ELF2: variants seen among roughly 807,000 people sequenced by gnomAD.
ELF2 encodes the protein ETS-related transcription factor Elf-2.
ELF2 carries 11 observed loss-of-function variants against 54.8 expected under a neutral mutation model. The ratio of observed to expected loss-of-function variants is 0.20; its 90% confidence interval spans 0.13 to 0.33. The LOEUF is 0.33. ELF2 is among the 10% of genes least tolerant of loss of function. The pLI, the probability that ELF2 is intolerant of heterozygous loss-of-function variation, is 1.00. For missense variants in ELF2, 513 were observed against 703.0 expected (o/e 0.73, Z 3.06); for synonymous variants, 203 against 245.1 (o/e 0.83, Z 1.61).
At chr4:139,110,034 A>G (rs555503659) in intron 4 of ELF2, among the ~76,000 whole-genome samples, 1 of 152,354 alleles carries the variant, frequency 6.6e-6, no homozygotes, top group African/African-American at 2.4e-5. Context: ...AATATTGTAT[A>G]TTAGAAATCG....
At chr4:139,158,620 GATGGAAAC>G (rs1157536957) in intron 1 of ELF2, among the ~76,000 whole-genome samples, 1 of 152,098 alleles carries the variant, frequency 6.6e-6, no homozygotes, top group Non-Finnish European at 1.5e-5. Flanking sequence ...AATGATTGGT[GATGGAAAC>G]ATTTATTGTA....
intron 7 of ELF2, among the ~76,000 whole-genome samples, chr4:139,063,487 CACT>C (rs1560753841): frequency 6.6e-6 from 1 of 152,096 alleles, no homozygotes; most frequent in Non-Finnish European, 1.5e-5. Flanking sequence ...CTCTGGATCA[CACT>C]ACTAGTAAAA....
At chr4:139,152,630 C>CT (rs1740119446) in intron 1 of ELF2, among the ~76,000 whole-genome samples, 1 of 152,110 alleles carries the variant, frequency 6.6e-6, no homozygotes, top group African/African-American at 2.4e-5. Context: ...CAGGCAGAGC[C>CT]TTGTAATTTA....
chr4:139,072,229 A>G, intron 5 of ELF2, 190 bp from the exon 6 acceptor site: 1 of 550,966 alleles, frequency 1.8e-6, no homozygotes, highest in Non-Finnish European at 3.0e-6. Flanking sequence ...AAATGCATGG[A>G]AAATCAACTT....
Position 139,161,652 on chromosome 4 carries a change from T to TAAAAA in ELF2, c.-252+15310_-252+15314dup, listed in dbSNP as rs57452146. On this transcript the variant is annotated intron_variant, in intron 1 of 9. Coordinates refer to ENST00000686138, the MANE Select transcript of ELF2 (RefSeq NM_001331036.3). ...CACAAATAGTCTACGTAAAACTGTT[T>TAAAAA]AAAAAAAAAAAAAAAAAAAAAAAAA... Among the ~76,000 whole-genome samples, 57 of 70,026 alleles carry TAAAAA rather than the reference T, an allele frequency of 8.1e-4. 2 individuals are homozygous for TAAAAA. In the East Asian group the frequency reaches 9.0e-3, roughly 11 times the overall value. 45.9% of individuals were successfully genotyped at this position (70,026 alleles called of 152,430 possible).
At position 139,168,477 on chromosome 4, in the gene ELF2, T is replaced by C. The variant is rs72933572; in HGVS notation, c.-252+8490A>G. Among the ~76,000 whole-genome samples the C allele has an allele frequency of 3.0e-3, 458 of 152,306 alleles. 3 individuals carry two copies. Among genetic ancestry groups the C allele is most frequent in the African/African-American group, 0.01 (434 of 41,570 alleles). ...CTAAACCCTGAGATGATAGCCTACATTTAAGGAACAGACAAAAACTGATCT... is the reference window on the plus strand; with the variant it reads ...CTAAACCCTGAGATGATAGCCTACACTTAAGGAACAGACAAAAACTGATCT... On this transcript the variant is annotated intron_variant, in intron 1 of 9. Transcript: ENST00000686138.
chr4:139,060,595 T>A lies in ELF2; in HGVS notation c.886A>T (p.Ile296Leu). 1 of 1,614,062 alleles carries A rather than the reference T, an allele frequency of 6.2e-7. No individual in the cohort carries two copies. Among genetic ancestry groups the A allele is most frequent in the Non-Finnish European group, 8.5e-7 (1 of 1,180,034 alleles). ...CTTTTGTCATCATCTATGACCACTA[T>A]GTTTTTCGGCATATCCTTGAACTGA... is the stretch of plus-strand genomic sequence containing the variant. ...VYQFKDMPKN[I>L]VVIDDDKSET... Residue 296 changes from isoleucine to leucine, a missense_variant, in exon 9 of 10, where the codon ATA becomes TTA. Physicochemically the swap from Ile to Leu is conservative, Grantham distance 5. Transcript: ENST00000686138.
intron 3 of ELF2, among the ~76,000 whole-genome samples, chr4:139,132,898 T>G (rs1258102129): frequency 6.8e-6 from 1 of 146,922 alleles, no homozygotes; most frequent in Non-Finnish European, 1.5e-5. Flanking sequence ...TTTTTTTTGG[T>G]GGGGGTGAGG....
intron 1 of ELF2, among the ~76,000 whole-genome samples, chr4:139,147,836 G>A (rs1739400040): frequency 6.8e-6 from 1 of 146,516 alleles, no homozygotes; most frequent in Admixed American, 6.8e-5. Flanking sequence ...GCCCAGGCTG[G>A]AGTGCAATGG....
chr4:139,156,158 C>T (rs1207513018), intron 1 of ELF2, among the ~76,000 whole-genome samples: 2 of 151,528 alleles, frequency 1.3e-5, no homozygotes, highest in Non-Finnish European at 2.9e-5. Flanking sequence ...TAATTTTATA[C>T]ATATATTCTT....
rs60267592 is a variant in ELF2, at chr4:139,090,913, GTTTGTTTTGT to G, written c.239-17356_239-17347del. ...TTAATGTTTTCCCTTATAGTATATGGTTTGTTTTGTTTTGTTTTGTTTTGTTTTGTTTTGT... is the reference window on the plus strand; with the variant it reads ...TTAATGTTTTCCCTTATAGTATATGGTTTGTTTTGTTTTGTTTTGTTTTGT... On this transcript the variant is annotated intron_variant, in intron 4 of 9. Coordinates refer to ENST00000686138, the MANE Select transcript of ELF2 (RefSeq NM_001331036.3). Among the ~76,000 whole-genome samples, 959 of 149,654 alleles carry G rather than the reference GTTTGTTTTGT, an allele frequency of 6.4e-3. 11 individuals carry two copies. The highest frequency in any genetic ancestry group is 0.021 in the African/African-American group (860 of 40,582).
intron 4 of ELF2, among the ~76,000 whole-genome samples, chr4:139,106,280 T>A (rs1005304808): frequency 2.0e-5 from 3 of 152,076 alleles, no homozygotes; most frequent in African/African-American, 4.8e-5. Flanking sequence ...ATCATAAAAC[T>A]GTACTTAAAA....
intron 1 of ELF2, among the ~76,000 whole-genome samples, chr4:139,166,356 C>T (rs1741719104): frequency 6.6e-6 from 1 of 152,042 alleles, no homozygotes; most frequent in Admixed American, 6.6e-5. Context: ...CACTGTACTC[C>T]AGCCTGGGTG....
chr4:139,074,432 A>T (rs1165133482), intron 4 of ELF2, among the ~76,000 whole-genome samples: 3 of 152,118 alleles, frequency 2.0e-5, no homozygotes, highest in Non-Finnish European at 4.4e-5. Context: ...TCCGTGTCCA[A>T]GGGTTCCGCA....
chr4:139,092,460 A>ACATAG (rs2148762396), intron 4 of ELF2, among the ~76,000 whole-genome samples: 1 of 150,614 alleles, frequency 6.6e-6, no homozygotes, highest in Non-Finnish European at 1.5e-5. Flanking sequence ...ACATAACATA[A>ACATAG]CATAACATAA....
chr4:139,081,095 T>C (rs1325921033), intron 4 of ELF2, among the ~76,000 whole-genome samples: 1 of 152,150 alleles, frequency 6.6e-6, no homozygotes, highest in African/African-American at 2.4e-5. Context: ...AGTCACTAGC[T>C]AGTTTAGTGA....
chr4:139,073,431 A>C (rs760887732), intron 5 of ELF2, 23 bp downstream of exon 5: 1 of 1,522,500 alleles, frequency 6.6e-7, no homozygotes, highest in Non-Finnish European at 8.9e-7. Flanking sequence ...CACGTTTAAC[A>C]TAAGAATGAA....
In ELF2 at chr4:139,061,851, A is replaced by G; in HGVS notation, c.806+14T>C. On this transcript the variant is annotated intron_variant, in intron 8 of 9. Coordinates refer to ENST00000686138, the MANE Select transcript of ELF2 (RefSeq NM_001331036.3). ...ATAAATTTTGTTTGAATACTAGCTC[A>G]TTTGAGTTTTTACCTCAAAGCTCGT... 6.2e-7 allele frequency: 1 copy of G among 1,610,526 alleles called. No individual in the cohort carries two copies. The highest frequency in any genetic ancestry group is 8.5e-7 in the Non-Finnish European group (1 of 1,178,896).
chr4:139,133,331 G>A (rs576798910), intron 3 of ELF2, among the ~76,000 whole-genome samples: 29 of 151,980 alleles, frequency 1.9e-4, no homozygotes, highest in Non-Finnish European at 3.7e-4. Context: ...TAGTAGGATC[G>A]CCTTGTGGTT....
Sources: gnomAD v4.1 joint callset for allele counts (sites outside exome capture counted in the v4.1 genomes callset) on GRCh38, gnomAD v4.1.1 for gene constraint, MANE v1.5 for transcripts, NCBI Gene and HGNC (gene_info 2026-07-23, HGNC 2026-07-21) for gene names.